The following CPSF4L variants were observed in gnomAD, a reference collection of about 807,000 sequenced individuals.
The protein encoded by CPSF4L is cleavage and polyadenylation specific factor 4 like, also known as putative cleavage and polyadenylation specificity factor subunit 4-like protein.
Under a neutral mutation model 24.0 loss-of-function variants are expected in CPSF4L, and 18 were observed. The observed-to-expected ratio is 0.75, with a 90% CI of 0.52 to 1.11. The LOEUF is 1.11. CPSF4L is among the 50% of genes least tolerant of loss of function. The pLI is 0.00. For synonymous variants in CPSF4L, 72 were observed against 77.2 expected (o/e 0.93, Z 0.35); for missense variants, 211 against 221.8 (o/e 0.95, Z 0.31).
At chr17:73,250,150 T>C in intron 5 of CPSF4L, 1 of 1,310,644 alleles carries the variant, frequency 7.6e-7, no homozygotes, top group African/African-American at 1.5e-5. Flanking sequence ...ACTCATACCC[T>C]GCTTAGGATG....
chr17:73,251,091 C>T (rs777264994), intron 5 of CPSF4L: 47 of 1,545,732 alleles, frequency 3.0e-5, no homozygotes, highest in East Asian at 9.8e-5. Flanking sequence ...ATCCCGGGGC[C>T]GGCTGGCAAG....
At chr17:73,243,175 A>T in the CPSF4L span, 1 of 663,106 alleles carries the variant, frequency 1.5e-6, no homozygotes. Flanking sequence ...TTTTTTTGAG[A>T]TACAGTTTTG....
chr17:73,248,829 C>T, intron 5 of CPSF4L: 3 of 348,220 alleles, frequency 8.6e-6, no homozygotes, highest in Non-Finnish European at 1.0e-5. Flanking sequence ...TTTTCTAATG[C>T]ACATTAAAAT....
downstream of CPSF4L, chr17:73,247,439 G>GGTA: frequency 1.6e-6 from 2 of 1,231,094 alleles, no homozygotes; most frequent in East Asian, 4.7e-5. Flanking sequence ...TAAGTGTAGT[G>GGTA]GTAGCATTAA....
intron 3 of CPSF4L, among the ~76,000 whole-genome samples, chr17:73,257,228 A>G (rs1373272444): frequency 6.6e-6 from 1 of 152,154 alleles, no homozygotes; most frequent in Non-Finnish European, 1.5e-5. Context: ...AGTTTCTTCT[A>G]AAGTAAGAGT....
chr17:73,253,875 G>A, intron 4 of CPSF4L, 56 bp downstream of exon 4: 1 of 1,247,290 alleles, frequency 8.0e-7, no homozygotes, highest in Non-Finnish European at 1.1e-6. Flanking sequence ...CCCCTGCTGA[G>A]AGCTCCCACC....
At chr17:73,244,943 A>G (rs2061925034), downstream of CPSF4L, among the ~76,000 whole-genome samples, 1 of 152,248 alleles carries the variant, frequency 6.6e-6, no homozygotes, top group African/African-American at 2.4e-5. Context: ...TTTCTCCCAC[A>G]GAGAAAAGGG....
At chr17:73,262,780 T>C (rs1234872885), upstream of CPSF4L, among the ~76,000 whole-genome samples, 1 of 152,182 alleles carries the variant, frequency 6.6e-6, no homozygotes, top group Non-Finnish European at 1.5e-5. Context: ...TTAATGCCCA[T>C]AGAACCAGAA....
chr17:73,261,478 G>A (rs1036372194), intron 1 of CPSF4L, among the ~76,000 whole-genome samples: 27 of 152,192 alleles, frequency 1.8e-4, no homozygotes, highest in Admixed American at 2.6e-4. Flanking sequence ...TGGCTAACAT[G>A]GTGAAACCCG....
chr17:73,258,252 T>A (rs893062948), intron 2 of CPSF4L, among the ~76,000 whole-genome samples: 1 of 152,060 alleles, frequency 6.6e-6, no homozygotes, highest in African/African-American at 2.4e-5. Flanking sequence ...CCTTGTGATC[T>A]GCCCACCTCG....
At chr17:73,258,158 A>C (rs7220440) in intron 2 of CPSF4L, among the ~76,000 whole-genome samples, 105,759 of 151,810 alleles carry the variant, frequency 0.7, 38,997 homozygotes, top group Non-Finnish European at 0.82. Flanking sequence ...TACAGGCGCC[A>C]GCCACCACGC....
chr17:73,260,897 ACCC>A, intron 2 of CPSF4L, 33 bp downstream of exon 2: 1 of 1,538,726 alleles, frequency 6.5e-7, no homozygotes, highest in Non-Finnish European at 8.8e-7. Context: ...CCCTACACTC[ACCC>A]AGCTTGGGGC....
At chr17:73,248,737 G>T (rs1354922623) in intron 5 of CPSF4L, 2 of 558,192 alleles carry the variant, frequency 3.6e-6, no homozygotes, top group African/African-American at 3.8e-5. Context: ...CACGTGGTCT[G>T]TGTAAGTGGA....
rs867281771 is a variant in CPSF4L, at chr17:73,261,791, G to A, written c.28C>T (p.Arg10Trp). The stretch of plus-strand genomic sequence containing the variant: ...TCCTTCTCGAAGGCAAAGGTGAACC[G>A]CTCTAGCCCCGCAATGACCTCTTGC... MQEVIAGLERFTFAFEKDVE... is the reference protein window; with the variant it reads MQEVIAGLEWFTFAFEKDVE... The change falls in exon 1 of 6, where the codon CGG (arginine) becomes TGG (tryptophan). Residue 10 changes from arginine (R) to tryptophan (W), a missense_variant. Arg to Trp is a moderately radical substitution (Grantham distance 101). Transcript: ENST00000344935. 3.2e-6 allele frequency: 5 copies of A among 1,551,726 alleles called. No individual in the cohort carries two copies. Among genetic ancestry groups the A allele is most frequent in the African/African-American group, 1.4e-5 (1 of 73,186 alleles).
chr17:73,242,749 T>A, the CPSF4L span: 3 of 621,972 alleles, frequency 4.8e-6, 1 homozygote, highest in South Asian at 6.2e-5. Flanking sequence ...TTCTTTGATG[T>A]TAGCCTTTAT....
chr17:73,261,060 G>T, intron 1 of CPSF4L, 77 bp from the exon 2 acceptor site: 3 of 1,229,166 alleles, frequency 2.4e-6, no homozygotes, highest in Non-Finnish European at 2.3e-6. Flanking sequence ...ACCTCCATCG[G>T]CATGTCCCAC....
chr17:73,245,547 A>G (rs1438398741), downstream of CPSF4L: 31 of 985,148 alleles, frequency 3.1e-5, no homozygotes, highest in Non-Finnish European at 3.6e-5. Flanking sequence ...CTAGTATCTC[A>G]TTACCATTCA....
downstream of CPSF4L, among the ~76,000 whole-genome samples, chr17:73,244,172 TA>T (rs1322095075): frequency 6.6e-6 from 1 of 152,200 alleles, no homozygotes; most frequent in African/African-American, 2.4e-5. Flanking sequence ...ATTGTATTAT[TA>T]AAAAAATCCT....
intron 3 of CPSF4L, 24 bp downstream of exon 3, chr17:73,257,657 C>A (rs1189465333): frequency 6.5e-7 from 1 of 1,550,254 alleles, no homozygotes; most frequent in East Asian, 2.4e-5. Context: ...CAGGGTGAGG[C>A]ACCGAGCCAG....
Sources: gnomAD v4.1 joint callset for allele counts (sites outside exome capture counted in the v4.1 genomes callset) on GRCh38, gnomAD v4.1.1 for gene constraint, MANE v1.5 for transcripts, NCBI Gene and HGNC (gene_info 2026-07-23, HGNC 2026-07-21) for gene names.